MCC: variants seen among roughly 807,000 people sequenced by gnomAD.
MCC encodes the protein colorectal mutant cancer protein.
Under a neutral mutation model 116.2 loss-of-function variants are expected in MCC, and 90 were observed. That is an observed-to-expected ratio of 0.77 (90% confidence interval 0.65 to 0.92). The LOEUF is 0.92. Among genes scored for constraint, MCC ranks in the 40% least tolerant of loss-of-function variants. The probability of loss-of-function intolerance (pLI) is 0.00; values close to 1 mark genes in which losing one functional copy is unlikely to be tolerated. For missense variants in MCC, 1,516 were observed against 1,312.2 expected, an observed-to-expected ratio of 1.16 and a Z score of -2.40; for synonymous variants, 578 against 510.5, an observed-to-expected ratio of 1.13 and a Z score of -1.78.
At chr5:113,097,935 A>G (rs1464207983) in intron 8 of MCC, among the ~76,000 whole-genome samples, 1 of 152,240 alleles carries the variant, frequency 6.6e-6, no homozygotes. Context: ...GGAGAGACAG[A>G]TGGAACTCAT....
chr5:113,470,342 G>C (rs949360040), intron 1 of MCC, among the ~76,000 whole-genome samples: 1 of 151,890 alleles, frequency 6.6e-6, no homozygotes, highest in African/African-American at 2.4e-5. Flanking sequence ...TCCATGTTTA[G>C]TGCTTCCTTC....
intron 16 of MCC, among the ~76,000 whole-genome samples, chr5:113,045,507 G>C (rs1464802606): frequency 6.6e-6 from 1 of 152,116 alleles, no homozygotes; most frequent in Non-Finnish European, 1.5e-5. Flanking sequence ...CATACATAAA[G>C]TATTACTAGA....
At chr5:113,408,619 A>T (rs1295035840) in intron 1 of MCC, among the ~76,000 whole-genome samples, 1 of 152,194 alleles carries the variant, frequency 6.6e-6, no homozygotes, top group Non-Finnish European at 1.5e-5. Context: ...GGTTAGAAAT[A>T]TGAGCTCTCA....
chr5:113,150,844 T>C (rs865976607), intron 4 of MCC, among the ~76,000 whole-genome samples: 1 of 152,212 alleles, frequency 6.6e-6, no homozygotes, highest in East Asian at 1.9e-4. Flanking sequence ...AGAGGATCAC[T>C]TGAGCTCAGG....
intron 1 of MCC, among the ~76,000 whole-genome samples, chr5:113,429,275 AAG>A (rs34689249): frequency 8.0e-5 from 12 of 149,876 alleles, no homozygotes; most frequent in Non-Finnish European, 8.9e-5. Context: ...AAGAGACAGA[AAG>A]AGAGAGAGAG....
chr5:113,145,834 C>T (rs1448084675), intron 4 of MCC, among the ~76,000 whole-genome samples: 1 of 151,110 alleles, frequency 6.6e-6, no homozygotes, highest in Non-Finnish European at 1.5e-5. Context: ...GCCCAGGATA[C>T]CAGATGGAGA....
chr5:113,024,587 A>T lies in MCC; in HGVS notation c.*2715T>A, dbSNP rs575780955. The T allele has an allele frequency of 6.6e-6, 1 of 152,240 alleles. No homozygotes were observed. Among genetic ancestry groups the T allele is most frequent in the Non-Finnish European group, 1.5e-5 (1 of 68,038 alleles). The allele number at this position is 152,240 out of a possible 1,614,324, so 9.4% of individuals were successfully genotyped here. A position where few individuals can be genotyped will look rare whatever the true frequency, so the allele number is the denominator to read the frequency against. ...GTAACCACTGAGGAAACTAGGGAGA[A>T]CAATTCAAAATACGAAATCTGAAGG... is the stretch of plus-strand genomic sequence containing the variant. On this transcript the variant is annotated 3_prime_UTR_variant, in exon 19 of 19. Transcript: ENST00000408903.
chr5:113,096,970 G>T (rs1049292342), intron 8 of MCC, among the ~76,000 whole-genome samples: 5 of 152,170 alleles, frequency 3.3e-5, no homozygotes, highest in Admixed American at 1.3e-4. Flanking sequence ...GCTGGGGAGA[G>T]CTGAGAGGAG....
chr5:113,486,861 C>A (rs1166629599), intron 1 of MCC, among the ~76,000 whole-genome samples: 1 of 150,786 alleles, frequency 6.6e-6, no homozygotes, highest in Non-Finnish European at 1.5e-5. Context: ...AAAATTGTAT[C>A]CAAAGTTGGA....
intron 1 of MCC, among the ~76,000 whole-genome samples, chr5:113,451,978 AC>A (rs1771411747): frequency 1.3e-5 from 2 of 152,096 alleles, no homozygotes; most frequent in Admixed American, 6.6e-5. Flanking sequence ...AGATGGCTTC[AC>A]CCCCATGTTT....
rs552076723 is a variant in MCC at position 113,188,513 on chromosome 5, C to T, written c.628-37091G>A. Among the ~76,000 whole-genome samples, 103 of 152,276 alleles carry T rather than the reference C, an allele frequency of 6.8e-4. 1 individual carries two copies. The highest frequency in any genetic ancestry group is 2.4e-3 in the African/African-American group (101 of 41,544). ...GCAAATTGGATCAAGAGGCTGAAGG[C>T]TTTATGTTTTCATATTTATTAAGTA... On this transcript the variant is annotated intron_variant, in intron 3 of 18. Coordinates refer to ENST00000408903, the MANE Select transcript of MCC (RefSeq NM_001085377.2).
rs780562758 is a variant in MCC, at chr5:113,434,370, A to C, written c.171-49158T>G. On this transcript the variant is annotated intron_variant, in intron 1 of 18. Transcript: ENST00000408903. The surrounding 1 kb of genome is among the most constrained non-coding windows in gnomAD (Gnocchi z 4.2). Reference sequence around the variant, plus strand: ...GTCATCCCGCAGGCAGCGCTTGGAGAAGCTGAAGTCGGACAGCTTGATGTT... The same window carrying C: ...GTCATCCCGCAGGCAGCGCTTGGAGCAGCTGAAGTCGGACAGCTTGATGTT... The C allele has an allele frequency of 1.4e-5, 22 of 1,613,606 alleles. No individual in the cohort carries two copies. Among genetic ancestry groups the C allele is most frequent in the Non-Finnish European group, 1.0e-5 (12 of 1,179,914 alleles).
At chr5:113,233,228 G>T (rs750818222) in intron 3 of MCC, among the ~76,000 whole-genome samples, 20 of 152,168 alleles carry the variant, frequency 1.3e-4, no homozygotes, top group Non-Finnish European at 2.4e-4. Context: ...TACATGGCAA[G>T]TTATATCGGC....
intron 3 of MCC, among the ~76,000 whole-genome samples, chr5:113,317,608 G>A (rs752263017): frequency 6.6e-6 from 1 of 152,094 alleles, no homozygotes; most frequent in African/African-American, 2.4e-5. Flanking sequence ...GGAAAGAGCT[G>A]TCATGATGTA....
At chr5:113,488,026 G>C (rs929570791) in intron 1 of MCC, among the ~76,000 whole-genome samples, 1 of 152,076 alleles carries the variant, frequency 6.6e-6, no homozygotes, top group Non-Finnish European at 1.5e-5. Flanking sequence ...GACAGCGCTG[G>C]GAAAAGTTGG....
intron 3 of MCC, among the ~76,000 whole-genome samples, chr5:113,246,672 T>C (rs1490256507): frequency 6.6e-6 from 1 of 152,242 alleles, no homozygotes; most frequent in African/African-American, 2.4e-5. Flanking sequence ...TCTTGAAAAC[T>C]GTCTCATCAC....
chr5:113,465,026 T>C (rs1561586492), intron 1 of MCC, among the ~76,000 whole-genome samples: 1 of 152,032 alleles, frequency 6.6e-6, no homozygotes, highest in Non-Finnish European at 1.5e-5. Context: ...ACGTATCCTA[T>C]TTCCAATTAA....
At chr5:113,343,626 A>G (rs1768063330) in intron 2 of MCC, among the ~76,000 whole-genome samples, 1 of 152,184 alleles carries the variant, frequency 6.6e-6, no homozygotes, top group Non-Finnish European at 1.5e-5. Context: ...GCCTTGCCTT[A>G]TATGTTCACC....
At chr5:113,409,530 C>T (rs1286093008) in intron 1 of MCC, among the ~76,000 whole-genome samples, 1 of 151,924 alleles carries the variant, frequency 6.6e-6, no homozygotes, top group Non-Finnish European at 1.5e-5. Flanking sequence ...TTTTAAATTT[C>T]TTGTAAAGAT....
Sources: allele counts gnomAD v4.1 joint callset (sites outside exome capture counted in the v4.1 genomes callset), GRCh38; gene constraint gnomAD v4.1.1; non-coding constraint Gnocchi (gnomAD v3.1); transcripts MANE v1.5; gene names NCBI Gene and HGNC (gene_info 2026-07-23, HGNC 2026-07-21).